The following FER1L6 variants were observed in gnomAD, a reference collection of about 807,000 sequenced individuals.
FER1L6 encodes fer-1 like family member 6, also known as fer-1-like protein 6.
FER1L6 carries 177 observed loss-of-function variants against 219.2 expected under a neutral mutation model. The ratio of observed to expected loss-of-function variants is 0.81; its 90% CI spans 0.71 to 0.91. The LOEUF is 0.91. Ranked by LOEUF, FER1L6 falls within the 40% of genes least tolerant of loss-of-function variation. The pLI, the probability that FER1L6 is intolerant of heterozygous loss-of-function variation, is 0.00. For missense variants in FER1L6, 2,153 were observed against 2,259.9 expected, an observed-to-expected ratio of 0.95 and a Z score of 0.96; for synonymous variants, 768 against 824.3, an observed-to-expected ratio of 0.93 and a Z score of 1.17.
At chr8:123,977,820 A>C (rs571073500) in intron 10 of FER1L6, among the ~76,000 whole-genome samples, 1 of 152,258 alleles carries the variant, frequency 6.6e-6, no homozygotes, top group African/African-American at 2.4e-5. Context: ...GTCTCCTCAT[A>C]AGGAGCATGC....
chr8:123,948,362 A>G (rs930976882), intron 1 of FER1L6, among the ~76,000 whole-genome samples: 6 of 152,256 alleles, frequency 3.9e-5, no homozygotes, highest in Admixed American at 3.3e-4. Context: ...AAAAAGCCAT[A>G]CCCACAAATC....
intron 19 of FER1L6, among the ~76,000 whole-genome samples, chr8:124,037,877 C>T (rs1433253862): frequency 6.6e-6 from 1 of 152,138 alleles, no homozygotes; most frequent in African/African-American, 2.4e-5. Context: ...ATTTCCATCC[C>T]CTCCACCAGT....
At chr8:123,867,381 A>G (rs1816853881) in intron 1 of FER1L6, among the ~76,000 whole-genome samples, 2 of 152,176 alleles carry the variant, frequency 1.3e-5, no homozygotes, top group South Asian at 2.1e-4. Context: ...GGTGGGAAAC[A>G]TGGTCTTCTA....
intron 33 of FER1L6, among the ~76,000 whole-genome samples, chr8:124,089,090 G>T (rs1586320119): frequency 6.6e-6 from 1 of 152,146 alleles, no homozygotes; most frequent in East Asian, 1.9e-4. Context: ...AGTCCCTGTG[G>T]CCAAGACTGT....
At chr8:123,881,823 G>A (rs1817116089) in intron 1 of FER1L6, among the ~76,000 whole-genome samples, 1 of 152,108 alleles carries the variant, frequency 6.6e-6, no homozygotes, top group Non-Finnish European at 1.5e-5. Context: ...CTCAAGTTGT[G>A]TCAGAGCAAA....
chr8:124,034,344 A>AC (rs1819108495), intron 18 of FER1L6, among the ~76,000 whole-genome samples: 2 of 152,184 alleles, frequency 1.3e-5, no homozygotes, highest in Non-Finnish European at 1.5e-5. Context: ...GTAAGGGAGT[A>AC]CCCTTATCCT....
At chr8:124,011,702 T>C (rs1369614144) in intron 14 of FER1L6, among the ~76,000 whole-genome samples, 1 of 149,492 alleles carries the variant, frequency 6.7e-6, no homozygotes, top group Non-Finnish European at 1.5e-5. Context: ...CTCAGGCTGG[T>C]CTGGAATTCC....
intron 33 of FER1L6, among the ~76,000 whole-genome samples, chr8:124,084,436 A>G (rs924086987): frequency 3.3e-5 from 5 of 152,058 alleles, no homozygotes; most frequent in African/African-American, 9.7e-5. Flanking sequence ...TGTCCCTTCT[A>G]TACTCAAGTT....
intron 17 of FER1L6, among the ~76,000 whole-genome samples, chr8:124,022,949 G>A (rs1241008734): frequency 3.3e-5 from 5 of 152,006 alleles, no homozygotes; most frequent in Non-Finnish European, 5.9e-5. Context: ...GTCTTGCTCT[G>A]TCTCCCAGGC....
chr8:124,060,626 G>A lies in FER1L6; in HGVS notation c.3064G>A (p.Gly1022Arg), dbSNP rs767427795. The stretch of plus-strand genomic sequence containing the variant: ...TCGGCCTCAGGCTCTCATTGAGTGC[G>A]GAGGACAAGGTGTGAAGTCCTGCGT... ...VDRPQALIEC[G>R]GQGVKSCVIQ... Residue 1022 changes from glycine (G) to arginine (R), a missense_variant, in exon 24 of 41, where the codon GGA (glycine) becomes AGA (arginine). Coordinates refer to ENST00000522917, the MANE Select transcript of FER1L6 (RefSeq NM_001039112.2). 5.6e-6 allele frequency: 9 copies of A among 1,614,088 alleles called. No homozygotes were observed. The Admixed American group carries it at 6.7e-5, about 12-fold the overall frequency.
chr8:124,064,429 G>T lies in FER1L6; in HGVS notation c.3411G>T (p.Val1137=). 1 of 1,613,960 alleles carries T rather than the reference G, an allele frequency of 6.2e-7. No homozygotes were observed. Among genetic ancestry groups the T allele is most frequent in the Non-Finnish European group, 8.5e-7 (1 of 1,179,962 alleles). Residue 1137 remains valine, a synonymous_variant, in exon 26 of 41, where the codon GTG becomes GTT. Transcript: ENST00000522917. Reference sequence around the variant, plus strand: ...ATCCCCCAGCAGATCACATTTATGTGGATGTTGAGCCACCTCCCACAGTGG... The same window carrying T: ...ATCCCCCAGCAGATCACATTTATGTTGATGTTGAGCCACCTCCCACAGTGG... ...SQDPPADHIY[V]DVEPPPTVVP...
intron 1 of FER1L6, among the ~76,000 whole-genome samples, chr8:123,900,146 T>C (rs1444826043): frequency 1.8e-4 from 28 of 152,158 alleles, no homozygotes; most frequent in Admixed American, 1.7e-3. Flanking sequence ...GTGTTTCCAT[T>C]TGTTTGTGTG....
chr8:124,045,567 G>T (rs370377100), intron 20 of FER1L6, among the ~76,000 whole-genome samples, 200 bp from the exon 21 acceptor site: 1 of 152,166 alleles, frequency 6.6e-6, no homozygotes, highest in African/African-American at 2.4e-5. Flanking sequence ...GCTTCTCCAC[G>T]GTTGGGAGTC....
chr8:123,901,722 A>ATT (rs139027665), intron 1 of FER1L6, among the ~76,000 whole-genome samples: 10 of 144,194 alleles, frequency 6.9e-5, no homozygotes, highest in Middle Eastern at 3.6e-3. Context: ...AGTTTGAAGA[A>ATT]TTTTTTTTTT....
chr8:124,040,042 T>C, intron 20 of FER1L6, 36 bp downstream of exon 20: 2 of 1,613,214 alleles, frequency 1.2e-6, no homozygotes, highest in Non-Finnish European at 1.7e-6. Flanking sequence ...GCTTCTTTCC[T>C]GCAGCCTGCA....
At chr8:123,963,247 C>T (rs1381437155) in intron 2 of FER1L6, 31 bp from the exon 3 acceptor site, 20 of 1,612,596 alleles carry the variant, frequency 1.2e-5, no homozygotes, top group Non-Finnish European at 1.7e-5. Flanking sequence ...GTCAATTTCA[C>T]AGGATTTTCT....
intron 20 of FER1L6, among the ~76,000 whole-genome samples, chr8:124,043,540 T>C (rs1819595553): frequency 6.6e-6 from 1 of 152,236 alleles, no homozygotes; most frequent in Non-Finnish European, 1.5e-5. Context: ...TATCTTATCC[T>C]CTGGAAGGAA....
chr8:124,102,098 T>G (rs1271281539), intron 38 of FER1L6, among the ~76,000 whole-genome samples: 1 of 152,190 alleles, frequency 6.6e-6, no homozygotes, highest in East Asian at 1.9e-4. Context: ...GAAGATAGAT[T>G]ATCAGACTTG....
chr8:123,966,450 C>A (rs1815546003), intron 5 of FER1L6, among the ~76,000 whole-genome samples, 160 bp downstream of exon 5: 1 of 152,196 alleles, frequency 6.6e-6, no homozygotes, highest in Non-Finnish European at 1.5e-5. Context: ...ACACAGCCCC[C>A]TAAAGCTTTT....
Sources: gnomAD v4.1 joint callset for allele counts (sites outside exome capture counted in the v4.1 genomes callset) on GRCh38, gnomAD v4.1.1 for gene constraint, MANE v1.5 for transcripts, NCBI Gene and HGNC (gene_info 2026-07-23, HGNC 2026-07-21) for gene names.